ACBD6: variants seen among roughly 807,000 people sequenced by gnomAD.
ACBD6 encodes acyl-CoA-binding domain-containing protein 6.
ACBD6 carries 28 observed loss-of-function variants against 37.2 expected under a neutral mutation model. That is an observed-to-expected ratio of 0.75 (90% confidence interval 0.56 to 1.03). ACBD6 has a LOEUF of 1.03. ACBD6 is among the 50% of genes least tolerant of loss of function. The pLI is 0.00. For synonymous variants in ACBD6, 113 were observed against 126.8 expected, an observed-to-expected ratio of 0.89 and a Z score of 0.73; for missense variants, 340 against 337.4, an observed-to-expected ratio of 1.01 and a Z score of -0.06.
intron 6 of ACBD6, among the ~76,000 whole-genome samples, chr1:180,388,734 C>T (rs1358149935): frequency 6.6e-6 from 1 of 151,872 alleles, no homozygotes; most frequent in Non-Finnish European, 1.5e-5. Flanking sequence ...ACCCATCATG[C>T]CTGGCCAAAA....
chr1:180,327,834 G>C (rs1651315074), intron 6 of ACBD6, among the ~76,000 whole-genome samples: 1 of 152,018 alleles, frequency 6.6e-6, no homozygotes, highest in African/African-American at 2.4e-5. Context: ...TTGATTTCTG[G>C]ATTCTTTTTT....
chr1:180,434,360 C>T (rs971076081), intron 3 of ACBD6, among the ~76,000 whole-genome samples: 1 of 152,108 alleles, frequency 6.6e-6, no homozygotes, highest in African/African-American at 2.4e-5. Context: ...TTTGAAATGG[C>T]CCTGCAAAGC....
chr1:180,417,304 T>C (rs748088649), intron 4 of ACBD6, among the ~76,000 whole-genome samples: 1 of 152,150 alleles, frequency 6.6e-6, no homozygotes, highest in Non-Finnish European at 1.5e-5. Context: ...GCTCAAACAC[T>C]CTTCTCCTCG....
intron 7 of ACBD6, among the ~76,000 whole-genome samples, chr1:180,293,958 G>A (rs903748594): frequency 1.3e-5 from 2 of 151,914 alleles, no homozygotes; most frequent in Admixed American, 6.6e-5. Context: ...GCAGTGGCAC[G>A]ATCTTGGCTC....
intron 6 of ACBD6, among the ~76,000 whole-genome samples, chr1:180,364,908 T>C (rs1416946840): frequency 6.6e-6 from 1 of 152,008 alleles, no homozygotes; most frequent in African/African-American, 2.4e-5. Flanking sequence ...TAATTTTCTG[T>C]AGTTTTAATA....
chr1:180,407,779 G>T (rs1647684369), intron 5 of ACBD6, among the ~76,000 whole-genome samples: 1 of 152,174 alleles, frequency 6.6e-6, no homozygotes, highest in Admixed American at 6.5e-5. Context: ...CTGTTGTAGA[G>T]ATAATATAGT....
intron 3 of ACBD6, among the ~76,000 whole-genome samples, chr1:180,476,007 G>C (rs1167108443): frequency 6.6e-6 from 1 of 152,132 alleles, no homozygotes; most frequent in African/African-American, 2.4e-5. Flanking sequence ...ACAACTGGAA[G>C]ATAACATTTA....
chr1:180,337,316 G>A (rs1381727127), intron 6 of ACBD6, among the ~76,000 whole-genome samples: 1 of 152,014 alleles, frequency 6.6e-6, no homozygotes, highest in African/African-American at 2.4e-5. Context: ...TGATCAAGTG[G>A]GCTTCATCCC....
intron 5 of ACBD6, among the ~76,000 whole-genome samples, chr1:180,400,055 G>T (rs992811176): frequency 6.6e-6 from 1 of 152,106 alleles, no homozygotes; most frequent in African/African-American, 2.4e-5. Context: ...ATTTTCCTTA[G>T]GTTTGACCCA....
intron 3 of ACBD6, among the ~76,000 whole-genome samples, chr1:180,465,302 C>A (rs1242186785): frequency 2.0e-5 from 3 of 152,034 alleles, no homozygotes; most frequent in African/African-American, 7.2e-5. Flanking sequence ...CTATAAGGAA[C>A]TTAAACAGAT....
intron 13 of ACBD6, chr1:180,272,043 G>C (rs759478286): frequency 2.5e-6 from 4 of 1,582,986 alleles, no homozygotes; most frequent in Admixed American, 1.8e-5. Flanking sequence ...GAGGCCTTAG[G>C]AAAGTCCCCT....
At chr1:180,286,318 T>C (rs1342763314), downstream of ACBD6, among the ~76,000 whole-genome samples, 1 of 152,228 alleles carries the variant, frequency 6.6e-6, no homozygotes, top group Non-Finnish European at 1.5e-5. Context: ...TTAAAATCTA[T>C]ACAGTTTTAG....
intron 7 of ACBD6, among the ~76,000 whole-genome samples, chr1:180,303,650 G>C (rs940621506): frequency 2.7e-5 from 4 of 150,712 alleles, no homozygotes; most frequent in Non-Finnish European, 4.4e-5. Flanking sequence ...GGACCAGATG[G>C]ATTCACAGCC....
chr1:180,393,728 A>G (rs1223826609), intron 6 of ACBD6, among the ~76,000 whole-genome samples: 1 of 152,248 alleles, frequency 6.6e-6, no homozygotes, highest in Non-Finnish European at 1.5e-5. Flanking sequence ...TAGCAACTCA[A>G]ACTGGAAAAG....
intron 7 of ACBD6, among the ~76,000 whole-genome samples, chr1:180,304,159 G>A (rs1650250679): frequency 6.6e-6 from 1 of 150,710 alleles, no homozygotes; most frequent in Admixed American, 6.6e-5. Flanking sequence ...CATACTGAAT[G>A]GGCAAAACCT....
chr1:180,409,616 T>C lies in ACBD6; in HGVS notation c.573+3750A>G, dbSNP rs1647771253. Among the ~76,000 whole-genome samples, 4 of 152,214 alleles carry C rather than the reference T, an allele frequency of 2.6e-5. No individual in the cohort carries two copies. In the South Asian group the frequency reaches 8.3e-4, roughly 32 times the overall value. On this transcript the variant is annotated intron_variant, in intron 5 of 7. Transcript: ENST00000367595. ...ATCTCTGATGTTACTATTGTAATTG[T>C]TTTGGAGTGCTACAAACCACACTGA...
chr1:180,345,632 C>G (rs926506734), intron 6 of ACBD6, among the ~76,000 whole-genome samples: 2 of 151,902 alleles, frequency 1.3e-5, no homozygotes, highest in Non-Finnish European at 2.9e-5. Flanking sequence ...AAAGTTGAGT[C>G]GATTATTACG....
chr1:180,434,735 G>T, intron 3 of ACBD6: 1 of 546,914 alleles, frequency 1.8e-6, no homozygotes, highest in Non-Finnish European at 3.4e-6. Context: ...ACTAGGAATA[G>T]AGTAAAACTA....
At chr1:180,398,240 G>C (rs1173660190) in intron 5 of ACBD6, among the ~76,000 whole-genome samples, 1 of 152,168 alleles carries the variant, frequency 6.6e-6, no homozygotes, top group African/African-American at 2.4e-5. Context: ...TAAATGAACT[G>C]TAAGAAAATG....
Sources: gnomAD v4.1 joint callset for allele counts (sites outside exome capture counted in the v4.1 genomes callset) on GRCh38, gnomAD v4.1.1 for gene constraint, MANE v1.5 for transcripts, NCBI Gene and HGNC (gene_info 2026-07-23, HGNC 2026-07-21) for gene names.